SH3BP4: variants seen among roughly 807,000 people sequenced by gnomAD.
SH3BP4 encodes SH3 domain-binding protein 4.
Under a neutral mutation model 65.5 loss-of-function variants are expected in SH3BP4, and 33 were observed. That is an observed-to-expected ratio of 0.50 (90% CI 0.38 to 0.67). The LOEUF (loss-of-function observed/expected upper bound fraction) is 0.67, where lower values mean the gene tolerates loss of function less well. Among genes scored for constraint, SH3BP4 ranks in the 30% least tolerant of loss-of-function variants. The pLI is 0.00. For missense variants in SH3BP4, 1,134 were observed against 1,261.4 expected (o/e 0.90, Z 1.53); for synonymous variants, 552 against 545.5 (o/e 1.01, Z -0.17).
At chr2:235,014,045 A>G (rs940334315) in intron 2 of SH3BP4, among the ~76,000 whole-genome samples, 9 of 152,218 alleles carry the variant, frequency 5.9e-5, no homozygotes, top group Non-Finnish European at 1.3e-4. Context: ...TATTTACTAA[A>G]AGGTTTATCA....
chr2:235,037,733 A>G (rs1047454099), intron 3 of SH3BP4, among the ~76,000 whole-genome samples: 3 of 152,198 alleles, frequency 2.0e-5, no homozygotes, highest in African/African-American at 7.2e-5. Context: ...AAAATGGTTT[A>G]TATTCCTGGA....
intron 2 of SH3BP4, among the ~76,000 whole-genome samples, chr2:235,024,576 G>A (rs1402763605): frequency 1.3e-5 from 2 of 152,086 alleles, no homozygotes; most frequent in African/African-American, 4.8e-5. Flanking sequence ...CCCCTCTCCA[G>A]CCTCTTCAGA....
At chr2:234,953,996 G>C (rs1692534212) in intron 1 of SH3BP4, among the ~76,000 whole-genome samples, 1 of 151,876 alleles carries the variant, frequency 6.6e-6, no homozygotes, top group Admixed American at 6.6e-5. Context: ...CCTGATGTTT[G>C]TGGGTCTGTG....
intron 1 of SH3BP4, among the ~76,000 whole-genome samples, chr2:234,984,937 G>C (rs1464791789): frequency 6.6e-6 from 1 of 152,154 alleles, no homozygotes; most frequent in Non-Finnish European, 1.5e-5. Flanking sequence ...CCAACTATTA[G>C]GGCTCCATCA....
intron 4 of SH3BP4, among the ~76,000 whole-genome samples, chr2:235,047,684 G>A (rs1482979829): frequency 2.0e-5 from 3 of 152,220 alleles, no homozygotes; most frequent in Non-Finnish European, 4.4e-5. Context: ...GCAGCCCACG[G>A]TGGCCTCAGG....
chr2:235,038,372 TATACA>T (rs1353898425), intron 3 of SH3BP4, among the ~76,000 whole-genome samples: 979 of 46,492 alleles, frequency 0.021, 50 homozygotes, highest in Non-Finnish European at 0.029. Flanking sequence ...ATATAATATA[TATACA>T]TATATATATA....
chr2:235,038,375 AC>A (rs1233092873), intron 3 of SH3BP4, among the ~76,000 whole-genome samples: 4,009 of 39,710 alleles, frequency 0.1, 655 homozygotes, highest in African/African-American at 0.35. Context: ...TAATATATAT[AC>A]ATATATATAT....
At chr2:235,005,814 C>T (rs1694275182) in intron 2 of SH3BP4, among the ~76,000 whole-genome samples, 1 of 152,214 alleles carries the variant, frequency 6.6e-6, no homozygotes, top group African/African-American at 2.4e-5. Context: ...AGCATGCTGG[C>T]TTTGGGAGGG....
chr2:234,998,970 G>A lies in SH3BP4; in HGVS notation c.-133+3594G>A, dbSNP rs150925230. Reference sequence around the variant, plus strand: ...GTAATCAGCAGATAATCCAATAGAGGAGAAGGGCACTTGAGGCCATGCAGC... The same window carrying A: ...GTAATCAGCAGATAATCCAATAGAGAAGAAGGGCACTTGAGGCCATGCAGC... On this transcript the variant is annotated intron_variant, in intron 2 of 5. Transcript: ENST00000392011. Among the ~76,000 whole-genome samples, 67 of 152,336 alleles carry A rather than the reference G, an allele frequency of 4.4e-4. 1 individual carries two copies. Among genetic ancestry groups the A allele is most frequent in the African/African-American group, 1.4e-3 (59 of 41,586 alleles).
At chr2:234,988,354 CG>C (rs1693645257) in intron 1 of SH3BP4, among the ~76,000 whole-genome samples, 1 of 152,308 alleles carries the variant, frequency 6.6e-6, no homozygotes, top group East Asian at 1.9e-4. Context: ...CCACCACACC[CG>C]GCCCGCCAGC....
chr2:235,050,644 CAAAAA>C (rs1673181224), intron 4 of SH3BP4, among the ~76,000 whole-genome samples: 1 of 151,602 alleles, frequency 6.6e-6, no homozygotes, highest in South Asian at 2.1e-4. Flanking sequence ...CACAAGTCGC[CAAAAA>C]GGTCACCTTT....
In SH3BP4 at chr2:234,978,586, T is replaced by A. The variant is rs1420537894; in HGVS notation, c.-206-16717T>A. On this transcript the variant is annotated intron_variant, in intron 1 of 5. Transcript: ENST00000392011. The surrounding 1 kb of genome is among the most constrained non-coding windows in gnomAD (Gnocchi z 4.1). ...TAAGCCTGTGTAGAAAGTTCTTTTG[T>A]CCGGGTGACATTGGCATGATTGAAT... 4 of 152,182 alleles carry A rather than the reference T, an allele frequency of 2.6e-5. No homozygotes were observed. The highest frequency in any genetic ancestry group is 9.7e-5 in the African/African-American group (4 of 41,438). 9.4% of individuals were successfully genotyped at this position (152,182 alleles called of 1,614,324 possible).
intron 1 of SH3BP4, among the ~76,000 whole-genome samples, chr2:234,956,972 G>A (rs566114311): frequency 2.5e-4 from 38 of 152,206 alleles, no homozygotes; most frequent in Non-Finnish European, 1.5e-4. Flanking sequence ...GCAGAGCTTC[G>A]ATTGCAGTAT....
In SH3BP4 at chr2:235,044,532, T is replaced by G. The variant is rs1695781662; in HGVS notation, c.2478+1285T>G. 4.6e-5 allele frequency among the ~76,000 whole-genome samples: 7 copies of G among 152,126 alleles called. No homozygotes were observed. The South Asian group carries it at 1.5e-3, about 32-fold the overall frequency. ...GAGAGGGGCGCATTGCTGGTGTTCA[T>G]TCCTGTGGGAAAACCCTGTGACCTT... is the stretch of plus-strand genomic sequence containing the variant. On this transcript the variant is annotated intron_variant, in intron 4 of 5. Transcript: ENST00000392011.
At position 234,967,431 on chromosome 2, in the gene SH3BP4, G is replaced by A. The variant is rs1441973021; in HGVS notation, c.-207+15261G>A. Among the ~76,000 whole-genome samples the A allele has an allele frequency of 6.6e-6, 1 of 152,116 alleles. No homozygotes were observed. The highest frequency in any genetic ancestry group is 1.5e-5 in the Non-Finnish European group (1 of 68,016). ...GATGAGGGGAAGGCCCTAACACCAA[G>A]AGGGTGTGGAGCTGCGGTCTCACCA... On this transcript the variant is annotated intron_variant, in intron 1 of 5. Coordinates refer to ENST00000392011, the MANE Select transcript of SH3BP4 (RefSeq NM_014521.3). This position sits in a 1 kb window ranked among gnomAD's most constrained non-coding sequence, Gnocchi z 4.6.
rs1696187430 is a variant in SH3BP4 at position 235,055,192 on chromosome 2, C to G, written c.*1376C>G. Reference sequence around the variant, plus strand: ...GAGTGAGGTGATCCTTAGCAACGTGCCAGGACACTTCCTGTGTGCCTGCAG... The same window carrying G: ...GAGTGAGGTGATCCTTAGCAACGTGGCAGGACACTTCCTGTGTGCCTGCAG... On this transcript the variant is annotated 3_prime_UTR_variant, in exon 6 of 6. Coordinates refer to ENST00000392011, the MANE Select transcript of SH3BP4 (RefSeq NM_014521.3). 6.6e-6 allele frequency: 1 copy of G among 152,170 alleles called. No homozygotes were observed. Among genetic ancestry groups the G allele is most frequent in the Non-Finnish European group, 1.5e-5 (1 of 68,034 alleles). 9.4% of individuals were successfully genotyped at this position (152,170 alleles called of 1,614,324 possible).
At position 235,052,346 on chromosome 2, in the gene SH3BP4, G is replaced by A. The variant is rs1395964546; in HGVS notation, c.2479-216G>A. Among the ~76,000 whole-genome samples, 2 of 152,100 alleles carry A rather than the reference G, an allele frequency of 1.3e-5. No homozygotes were observed. The highest frequency in any genetic ancestry group is 4.1e-4 in the South Asian group (2 of 4,822). ...TTCTGGGTGGATGTGGGCTTTGGAG[G>A]GAGACACTGGTGAACCTGGCACGCT... is the stretch of plus-strand genomic sequence containing the variant. On this transcript the variant is annotated intron_variant, in intron 4 of 5. Transcript: ENST00000392011. The surrounding 1 kb of genome is among the most constrained non-coding windows in gnomAD (Gnocchi z 5.0).
intron 2 of SH3BP4, among the ~76,000 whole-genome samples, chr2:235,032,837 G>A (rs1208028177): frequency 6.6e-6 from 1 of 152,182 alleles, no homozygotes; most frequent in Non-Finnish European, 1.5e-5. Context: ...TCGGTCCAGG[G>A]CGTCCGGGGT....
rs1695657555 is a variant in SH3BP4, at chr2:235,041,781, A to T, written c.1012A>T (p.Ser338Cys). The T allele has an allele frequency of 6.3e-7, 1 of 1,596,614 alleles. No individual in the cohort carries two copies. The highest frequency in any genetic ancestry group is 1.3e-5 in the African/African-American group (1 of 74,454). The change falls in exon 4 of 6, where the codon AGC becomes TGC. Residue 338 changes from serine to cysteine, a missense_variant. By Grantham distance (112) the Ser-to-Cys change is moderately radical. Transcript: ENST00000392011. This position sits in a 1 kb window ranked among gnomAD's most constrained non-coding sequence, Gnocchi z 6.0. ...TGTCCAGCTTCCTGACACCAGCATC[A>T]GCATCCACGTGCCCGAGGGCCACGT... is the stretch of plus-strand genomic sequence containing the variant. ...GAVQLPDTSISIHVPEGHVAP... is the reference protein window; with the variant it reads ...GAVQLPDTSICIHVPEGHVAP...
Sources: gnomAD v4.1 joint callset for allele counts (sites outside exome capture counted in the v4.1 genomes callset) on GRCh38, gnomAD v4.1.1 for gene constraint, Gnocchi (gnomAD v3.1) non-coding constraint, MANE v1.5 for transcripts, NCBI Gene and HGNC (gene_info 2026-07-23, HGNC 2026-07-21) for gene names.